Variants in CDYL observed in about 807,000 individuals in gnomAD.
CDYL encodes the protein chromodomain Y-like protein.
Under a neutral mutation model 47.3 loss-of-function variants are expected in CDYL, and 8 were observed. That is an observed-to-expected ratio of 0.17 (90% CI 0.10 to 0.31). CDYL has a LOEUF of 0.31. CDYL is among the 10% of genes least tolerant of loss of function. The probability of loss-of-function intolerance (pLI) is 1.00; values close to 1 mark genes in which losing one functional copy is unlikely to be tolerated. For missense variants in CDYL, 471 were observed against 701.4 expected (o/e 0.67, Z 3.71); for synonymous variants, 266 against 265.0 (o/e 1.00, Z -0.04).
At position 4,837,754 on chromosome 6, in the gene CDYL, C is replaced by T. The variant is rs143542320; in HGVS notation, c.25-53959C>T. Among the ~76,000 whole-genome samples the T allele has an allele frequency of 8.6e-3, 1,293 of 150,998 alleles. 21 individuals carry two copies. The highest frequency in any genetic ancestry group is 0.03 in the African/African-American group (1,231 of 41,114). On this transcript the variant is annotated intron_variant, in intron 1 of 6. Coordinates refer to ENST00000397588, the MANE Select transcript of CDYL (RefSeq NM_004824.4). The stretch of plus-strand genomic sequence containing the variant: ...CTGGGCTTACAGGCACATGAGCCAC[C>T]GCGCCCGGCCTCTTATTTTTTCTTT...
intron 1 of CDYL, among the ~76,000 whole-genome samples, chr6:4,822,715 C>G (rs2127449483): frequency 6.6e-6 from 1 of 152,212 alleles, no homozygotes; most frequent in African/African-American, 2.4e-5. Context: ...AAAATGAAAC[C>G]CTATTTCATG....
intron 1 of CDYL, among the ~76,000 whole-genome samples, chr6:4,805,179 T>C (rs1238609982): frequency 6.6e-6 from 1 of 152,254 alleles, no homozygotes; most frequent in African/African-American, 2.4e-5. Context: ...CTTTTTACTC[T>C]AAACTTAAGA....
intron 1 of CDYL, among the ~76,000 whole-genome samples, chr6:4,859,847 T>C (rs1318525483): frequency 6.6e-6 from 1 of 151,960 alleles, no homozygotes; most frequent in East Asian, 1.9e-4. Flanking sequence ...GCTAGACTAG[T>C]GGGATGACTT....
chr6:4,867,778 T>TTG (rs1761362498), intron 1 of CDYL, among the ~76,000 whole-genome samples: 1 of 151,456 alleles, frequency 6.6e-6, no homozygotes, highest in African/African-American at 2.4e-5. Flanking sequence ...TGGGGTTTTT[T>TTG]TTTTTTTTTT....
At chr6:4,759,686 C>T (rs757267026) in intron 3 of CDYL, among the ~76,000 whole-genome samples, 5 of 150,788 alleles carry the variant, frequency 3.3e-5, no homozygotes, top group Admixed American at 1.3e-4. Flanking sequence ...GTTCAAGACC[C>T]GCCTGGCCAT....
At chr6:4,813,519 T>G (rs917823474) in intron 1 of CDYL, among the ~76,000 whole-genome samples, 4 of 152,240 alleles carry the variant, frequency 2.6e-5, no homozygotes, top group Non-Finnish European at 5.9e-5. Flanking sequence ...CTTACTCTAC[T>G]GGGTTATCAT....
intron 2 of CDYL, among the ~76,000 whole-genome samples, chr6:4,893,555 C>A (rs866222212): frequency 6.6e-6 from 1 of 152,138 alleles, no homozygotes; most frequent in African/African-American, 2.4e-5. Flanking sequence ...TAGCCAGGCG[C>A]GGTGGCGCGC....
intron 2 of CDYL, among the ~76,000 whole-genome samples, chr6:4,913,388 G>T (rs1027316389): frequency 4.6e-5 from 7 of 152,172 alleles, no homozygotes; most frequent in African/African-American, 1.7e-4. Flanking sequence ...TAGGGCCTCT[G>T]TTAAAAAGCA....
At chr6:4,874,369 C>T (rs978297594) in intron 1 of CDYL, among the ~76,000 whole-genome samples, 7 of 152,062 alleles carry the variant, frequency 4.6e-5, no homozygotes, top group African/African-American at 9.7e-5. Context: ...TTCTGTTCAG[C>T]GTTGGCGTTA....
At chr6:4,909,325 C>T (rs1757335594) in intron 2 of CDYL, among the ~76,000 whole-genome samples, 1 of 152,198 alleles carries the variant, frequency 6.6e-6, no homozygotes. Flanking sequence ...TCCGTAAGTG[C>T]TACCTCCAGC....
intron 2 of CDYL, among the ~76,000 whole-genome samples, chr6:4,899,570 G>A (rs748577727): frequency 9.2e-5 from 14 of 152,316 alleles, no homozygotes; most frequent in African/African-American, 2.4e-4. Flanking sequence ...TGTTGATGCC[G>A]TCTCGGCCCA....
chr6:4,911,095 G>A (rs977564651), intron 2 of CDYL, among the ~76,000 whole-genome samples: 3 of 152,200 alleles, frequency 2.0e-5, no homozygotes, highest in African/African-American at 7.2e-5. Context: ...CAAAGTGCTG[G>A]GATTACAGGC....
intron 1 of CDYL, among the ~76,000 whole-genome samples, chr6:4,887,172 T>C (rs1045767308): frequency 6.6e-6 from 1 of 152,218 alleles, no homozygotes; most frequent in Non-Finnish European, 1.5e-5. Context: ...TTTTGGGCTG[T>C]TCTCAATTGT....
rs190697764 is a variant in CDYL at position 4,928,989 on chromosome 6, G to A, written c.692-6526G>A. ...TTTAGTTAATTACACTTAATATGCA[G>A]TTGGTGCAGGTTCATTTTTACCCAT... is the stretch of plus-strand genomic sequence containing the variant. On this transcript the variant is annotated intron_variant, in intron 2 of 6. Coordinates refer to ENST00000397588, the MANE Select transcript of CDYL (RefSeq NM_004824.4). Among the ~76,000 whole-genome samples the A allele has an allele frequency of 4.9e-4, 75 of 152,276 alleles. 1 individual carries two copies. Among genetic ancestry groups the A allele is most frequent in the Admixed American group, 1.1e-3 (17 of 15,298 alleles).
intron 2 of CDYL, among the ~76,000 whole-genome samples, chr6:4,935,303 A>G (rs965628363): frequency 4.6e-5 from 7 of 152,366 alleles, no homozygotes; most frequent in South Asian, 2.1e-4. Flanking sequence ...AGGCAAGGTG[A>G]AACAAAAGAG....
chr6:4,800,105 C>T (rs556489471), intron 1 of CDYL, among the ~76,000 whole-genome samples: 2 of 152,066 alleles, frequency 1.3e-5, no homozygotes, highest in South Asian at 2.1e-4. Context: ...TTAAAATAAT[C>T]GGATAGTCCA....
chr6:4,748,473 A>G (rs1341920953), intron 3 of CDYL, among the ~76,000 whole-genome samples: 1 of 152,108 alleles, frequency 6.6e-6, no homozygotes, highest in Non-Finnish European at 1.5e-5. Context: ...AGGGAAGAAA[A>G]ACAGAAACTG....
At position 4,955,379 on chromosome 6, in the gene CDYL, T is replaced by G. The variant is rs1758838501; in HGVS notation, c.*1323T>G. The G allele has an allele frequency of 6.6e-6, 1 of 152,644 alleles. No individual in the cohort carries two copies. The highest frequency in any genetic ancestry group is 1.5e-5 in the Non-Finnish European group (1 of 68,046). 9.5% of individuals were successfully genotyped at this position (152,644 alleles called of 1,614,324 possible). A position where few individuals can be genotyped will look rare whatever the true frequency, so the allele number is the denominator to read the frequency against. On this transcript the variant is annotated 3_prime_UTR_variant, in exon 7 of 7. Coordinates refer to ENST00000397588, the MANE Select transcript of CDYL (RefSeq NM_004824.4). ...CGCGGAGAGCTGTACAGTGTGTAAATCTGCCTTTATCTTGGATTGATTGGT... is the reference window on the plus strand; with the variant it reads ...CGCGGAGAGCTGTACAGTGTGTAAAGCTGCCTTTATCTTGGATTGATTGGT...
At chr6:4,759,973 A>AAATTAT (rs1354387773) in intron 3 of CDYL, among the ~76,000 whole-genome samples, 6 of 150,400 alleles carry the variant, frequency 4.0e-5, no homozygotes, top group Non-Finnish European at 7.4e-5. Flanking sequence ...AAAACAAAAG[A>AAATTAT]AATTATAGGA....
Sources: allele counts gnomAD v4.1 joint callset (sites outside exome capture counted in the v4.1 genomes callset), GRCh38; gene constraint gnomAD v4.1.1; transcripts MANE v1.5; gene names NCBI Gene and HGNC (gene_info 2026-07-23, HGNC 2026-07-21).